Variants in ZNF264 observed in about 807,000 individuals in gnomAD.
The protein encoded by ZNF264 is zinc finger protein 264.
ZNF264 carries 11 observed loss-of-function variants against 11.2 expected under a neutral mutation model. That is an observed-to-expected ratio of 0.98 (90% CI 0.62 to 1.63). The LOEUF (loss-of-function observed/expected upper bound fraction) is 1.63, where lower values mean the gene tolerates loss of function less well. Among genes scored for constraint, ZNF264 ranks in the 40% most tolerant of loss-of-function variants. The pLI, the probability that ZNF264 is intolerant of heterozygous loss-of-function variation, is 0.00. For missense variants in ZNF264, 752 were observed against 768.1 expected (o/e 0.98, Z 0.25); for synonymous variants, 309 against 279.8 (o/e 1.10, Z -1.04).
chr19:57,212,539 A>G lies in ZNF264; in HGVS notation c.1442A>G (p.Lys481Arg). 2 of 1,614,060 alleles carry G rather than the reference A, an allele frequency of 1.2e-6. No individual in the cohort carries two copies. The highest frequency in any genetic ancestry group is 1.7e-6 in the Non-Finnish European group (2 of 1,179,988). ...CACTTCAGCATCCACACTGGAGAGA[A>G]GCCCTATGAGTGCGTGGAGTGTGGA... ...IRHFSIHTGEKPYECVECGKA... is the reference protein window; with the variant it reads ...IRHFSIHTGERPYECVECGKA... The change falls in exon 4 of 4, where the codon AAG becomes AGG. Residue 481 changes from lysine (K) to arginine (R), a missense_variant. Transcript: ENST00000263095.
Position 57,214,067 on chromosome 19 carries a change from C to G in ZNF264, c.*1086C>G, listed in dbSNP as rs1271528252. 6.6e-6 allele frequency: 1 copy of G among 152,146 alleles called. No individual in the cohort carries two copies. Among genetic ancestry groups the G allele is most frequent in the African/African-American group, 2.4e-5 (1 of 41,440 alleles). 9.4% of individuals were successfully genotyped at this position (152,146 alleles called of 1,614,324 possible). A position where few individuals can be genotyped will look rare whatever the true frequency, so the allele number is the denominator to read the frequency against. On this transcript the variant is annotated 3_prime_UTR_variant, in exon 4 of 4. Transcript: ENST00000263095. ...TATACAGAAATATAATATTTTTGGA[C>G]ATTGTTTTGCTACCCTGCAACCTTA...
intron 3 of ZNF264, 33 bp from the exon 4 acceptor site, chr19:57,211,320 TA>T (rs1344270769): frequency 1.3e-6 from 2 of 1,546,408 alleles, no homozygotes; most frequent in African/African-American, 2.8e-5. Context: ...TGTCCTTTAC[TA>T]ACAGGCCCTT....
Position 57,222,512 on chromosome 19 carries a change from CTCTCTCTCTCTA to C in ZNF264, c.*9533_*9544del, listed in dbSNP as rs1458983544. On this transcript the variant is annotated 3_prime_UTR_variant, in exon 4 of 4. Coordinates refer to ENST00000263095, the MANE Select transcript of ZNF264 (RefSeq NM_003417.5). The stretch of plus-strand genomic sequence containing the variant: ...GACCTAGTCTGCTCGCGTTCTCTCT[CTCTCTCTCTCTA>C]TATATATATATGTATATGTGTGTGT... 2 of 102,526 alleles carry C rather than the reference CTCTCTCTCTCTA, an allele frequency of 2.0e-5. No homozygotes were observed. Among genetic ancestry groups the C allele is most frequent in the Non-Finnish European group, 3.9e-5 (2 of 51,340 alleles). The allele number at this position is 102,526 out of a possible 1,614,324, so 6.4% of individuals were successfully genotyped here.
At chr19:57,210,187 C>G (rs2087324225) in intron 3 of ZNF264, among the ~76,000 whole-genome samples, 1 of 152,098 alleles carries the variant, frequency 6.6e-6, no homozygotes, top group South Asian at 2.1e-4. Context: ...GTCCTTCCTG[C>G]TTTCTCTTTA....
Position 57,212,367 on chromosome 19 carries a change from G to T in ZNF264, c.1270G>T (p.Glu424Ter). Reference sequence around the variant, plus strand: ...GAGGCACCAGCGGATTCACACTGGGGAGAAGCCCTTCGTGTGCAGTGAATG... The same window carrying T: ...GAGGCACCAGCGGATTCACACTGGGTAGAAGCCCTTCGTGTGCAGTGAATG... ...LKRHQRIHTG[E>*]KPFVCSECGK... The change falls in exon 4 of 4, where the codon GAG becomes TAG. Residue 424 changes from glutamate (E) to a stop codon, truncating the protein, a stop_gained. Transcript: ENST00000263095. LOFTEE classifies it low-confidence loss of function (END_TRUNC). The T allele has an allele frequency of 6.2e-7, 1 of 1,614,038 alleles. No homozygotes were observed. The highest frequency in any genetic ancestry group is 8.5e-7 in the Non-Finnish European group (1 of 1,180,022).
chr19:57,211,127 A>T (rs2087331462), intron 3 of ZNF264, among the ~76,000 whole-genome samples: 1 of 152,196 alleles, frequency 6.6e-6, no homozygotes. Context: ...CTCCACGAAC[A>T]GACGCATTGT....
In ZNF264 at chr19:57,211,379, A is replaced by G. The variant is rs148485696; in HGVS notation, c.282A>G (p.Thr94=). 2 of 1,613,398 alleles carry G rather than the reference A, an allele frequency of 1.2e-6. No homozygotes were observed. The highest frequency in any genetic ancestry group is 2.7e-5 in the African/African-American group (2 of 75,016). ...CPGDKGKPKT[T]EPTTCEPALS... ...GCGACAAAGGAAAACCTAAGACCACAGAACCTACCACTTGTGAGCCAGCCT... is the reference window on the plus strand; with the variant it reads ...GCGACAAAGGAAAACCTAAGACCACGGAACCTACCACTTGTGAGCCAGCCT... The change falls in exon 4 of 4, where the codon ACA becomes ACG. Residue 94 remains threonine (T), a synonymous_variant. Transcript: ENST00000263095.
intron 2 of ZNF264, among the ~76,000 whole-genome samples, chr19:57,201,664 C>T (rs945784865): frequency 2.0e-5 from 3 of 151,950 alleles, no homozygotes; most frequent in Non-Finnish European, 4.4e-5. Flanking sequence ...TGGGGAATTA[C>T]TGCCCTTGCG....
chr19:57,209,798 G>A (rs544196118), intron 3 of ZNF264, among the ~76,000 whole-genome samples: 7 of 152,082 alleles, frequency 4.6e-5, no homozygotes, highest in Admixed American at 1.3e-4. Flanking sequence ...GGAGCTTGCC[G>A]TGTTTCTCAG....
intron 1 of ZNF264, chr19:57,192,254 A>G: frequency 1.3e-6 from 1 of 793,676 alleles, no homozygotes; most frequent in Non-Finnish European, 1.5e-6. Context: ...GGGGAAGGGG[A>G]GGGCAGGGCA....
intron 2 of ZNF264, chr19:57,194,712 A>G: frequency 2.5e-6 from 1 of 398,144 alleles, no homozygotes; most frequent in Non-Finnish European, 4.4e-6. Context: ...CACCCAGATT[A>G]AGGGGGGGGT....
rs2087355648 is a variant in ZNF264, at chr19:57,213,308, C to T, written c.*327C>T. The T allele has an allele frequency of 4.5e-6, 1 of 220,510 alleles. No individual in the cohort carries two copies. The highest frequency in any genetic ancestry group is 2.3e-5 in the African/African-American group (1 of 44,006). 13.7% of individuals were successfully genotyped at this position (220,510 alleles called of 1,614,324 possible). ...AGGGAAATGTTTCAAGGTAAAGAACCTTGACCCTTTATGTGCTTGTATGTA... is the reference window on the plus strand; with the variant it reads ...AGGGAAATGTTTCAAGGTAAAGAACTTTGACCCTTTATGTGCTTGTATGTA... On this transcript the variant is annotated 3_prime_UTR_variant, in exon 4 of 4. Coordinates refer to ENST00000263095, the MANE Select transcript of ZNF264 (RefSeq NM_003417.5).
intron 2 of ZNF264, among the ~76,000 whole-genome samples, chr19:57,203,980 A>G (rs2087272142): frequency 6.6e-6 from 1 of 152,054 alleles, no homozygotes; most frequent in African/African-American, 2.4e-5. Context: ...AGGTCAGGAG[A>G]TCGAGACCAT....
At position 57,193,945 on chromosome 19, in the gene ZNF264, A is replaced by G. The variant is rs2087194010; in HGVS notation, c.104A>G (p.Gln35Arg). 1 of 1,614,012 alleles carries G rather than the reference A, an allele frequency of 6.2e-7. No individual in the cohort carries two copies. The highest frequency in any genetic ancestry group is 8.5e-7 in the Non-Finnish European group (1 of 1,179,916). ...GAGTGGGGGCAGCTGGACCTAGCTC[A>G]GCGGACCCTGTACCAGGAGGTGATG... ...KEEWGQLDLA[Q>R]RTLYQEVMLE... Residue 35 changes from glutamine (Q) to arginine (R), a missense_variant, in exon 2 of 4, where the codon CAG (glutamine) becomes CGG (arginine). Transcript: ENST00000263095.
chr19:57,203,591 A>G (rs958087010), intron 2 of ZNF264, among the ~76,000 whole-genome samples: 7 of 152,044 alleles, frequency 4.6e-5, no homozygotes, highest in African/African-American at 1.4e-4. Flanking sequence ...TCCTCTTTTT[A>G]TGAAATGTTG....
At chr19:57,210,595 T>TTCA (rs1364618601) in intron 3 of ZNF264, among the ~76,000 whole-genome samples, 3 of 152,206 alleles carry the variant, frequency 2.0e-5, no homozygotes, top group Non-Finnish European at 2.9e-5. Context: ...TCACCAGCTC[T>TTCA]TCATTGTCCA....
chr19:57,205,470 C>A lies in ZNF264; in HGVS notation c.234C>A (p.Asp78Glu). The A allele has an allele frequency of 8.7e-6, 14 of 1,611,624 alleles. No homozygotes were observed. Among genetic ancestry groups the A allele is most frequent in the Non-Finnish European group, 1.2e-5 (14 of 1,178,996 alleles). Residue 78 changes from aspartate (D) to glutamate (E), a missense_variant, in exon 3 of 4, where the codon GAC (aspartate) becomes GAA (glutamate). By Grantham distance (45) the Asp-to-Glu change is conservative. Coordinates refer to ENST00000263095, the MANE Select transcript of ZNF264 (RefSeq NM_003417.5). ...AGGAGCCATGGACCAGGAAGGAAGA[C>A]CTCTCCCAAGACACCTGTCCAGGTA... Reference protein sequence around the residue: ...HGQEPWTRKEDLSQDTCPGDK... With the variant: ...HGQEPWTRKEELSQDTCPGDK...
At chr19:57,208,246 C>G (rs2087308920) in intron 3 of ZNF264, among the ~76,000 whole-genome samples, 1 of 152,090 alleles carries the variant, frequency 6.6e-6, no homozygotes, top group African/African-American at 2.4e-5. Flanking sequence ...ACTATGTGGG[C>G]ATTTAATTGT....
Position 57,213,046 on chromosome 19 carries a change from T to A in ZNF264, c.*65T>A. On this transcript the variant is annotated 3_prime_UTR_variant, in exon 4 of 4. Coordinates refer to ENST00000263095, the MANE Select transcript of ZNF264 (RefSeq NM_003417.5). ...AGTCATATTAGAAATTCGTTCAGTC[T>A]AGAGCCTTATTCTCCATCTGATAAT... The A allele has an allele frequency of 6.8e-7, 1 of 1,467,948 alleles. No homozygotes were observed. Among genetic ancestry groups the A allele is most frequent in the South Asian group, 1.3e-5 (1 of 75,614 alleles). The allele number at this position is 1,467,948 out of a possible 1,614,324, so 90.9% of individuals were successfully genotyped here.
Sources: allele counts gnomAD v4.1 joint callset (sites outside exome capture counted in the v4.1 genomes callset), GRCh38; gene constraint gnomAD v4.1.1; transcripts MANE v1.5; gene names NCBI Gene and HGNC (gene_info 2026-07-23, HGNC 2026-07-21).